Variants in EYA4 observed in about 807,000 individuals in gnomAD.
EYA4 encodes protein phosphatase EYA4.
In EYA4, 31 loss-of-function variants were observed where a neutral mutation model predicts 87.9. The observed-to-expected ratio is 0.35, with a 90% CI of 0.27 to 0.48. EYA4 has a LOEUF of 0.48. Among genes scored for constraint, EYA4 ranks in the 20% least tolerant of loss-of-function variants. EYA4 has a pLI of 0.99. For missense variants in EYA4, 678 were observed against 761.4 expected, an observed-to-expected ratio of 0.89 and a Z score of 1.29; for synonymous variants, 263 against 270.6, an observed-to-expected ratio of 0.97 and a Z score of 0.28.
At position 133,295,364 on chromosome 6, in the gene EYA4, A is replaced by G. The variant is rs186863358; in HGVS notation, c.33+20551A>G. On this transcript the variant is annotated intron_variant, in intron 2 of 19. Coordinates refer to ENST00000355286, the MANE Select transcript of EYA4 (RefSeq NM_004100.5). ...AATTTCATTTAGCCTTACTAGGACA[A>G]CTGTCATTCTTATGTAACATTTTAA... Among the ~76,000 whole-genome samples, 369 of 152,348 alleles carry G rather than the reference A, an allele frequency of 2.4e-3. 4 individuals are homozygous for G. The highest frequency in any genetic ancestry group is 5.7e-3 in the Admixed American group (87 of 15,306).
chr6:133,478,469 G>A (rs1583401151), intron 11 of EYA4, among the ~76,000 whole-genome samples: 1 of 151,966 alleles, frequency 6.6e-6, no homozygotes, highest in South Asian at 2.1e-4. Flanking sequence ...ACATGAAGAA[G>A]TTCTAGCCAC....
rs151090442 is a variant in EYA4, at chr6:133,339,120, A to G, written c.34-43272A>G. On this transcript the variant is annotated intron_variant, in intron 2 of 19. Transcript: ENST00000355286. ...CTTGTCATATGTCTCTACATAAGTT[A>G]TTATTGATGAAATCATTGTTTGGTG... is the stretch of plus-strand genomic sequence containing the variant. Among the ~76,000 whole-genome samples, 732 of 152,218 alleles carry G rather than the reference A, an allele frequency of 4.8e-3. 6 individuals carry two copies. Among genetic ancestry groups the G allele is most frequent in the African/African-American group, 0.017 (711 of 41,564 alleles).
At position 133,274,857 on chromosome 6, in the gene EYA4, A is replaced by G. The variant is rs370459996; in HGVS notation, c.33+44A>G. On this transcript the variant is annotated intron_variant, in intron 2 of 19. Transcript: ENST00000355286. ...TTTTGCTGAAAAAAGTTGCGATAAC[A>G]CTACTGAAAATCATACGTAAAAGAG... 2.1e-6 allele frequency: 3 copies of G among 1,432,328 alleles called. No individual in the cohort carries two copies. The African/African-American group carries it at 4.2e-5, about 20-fold the overall frequency. 88.7% of individuals were successfully genotyped at this position (1,432,328 alleles called of 1,614,324 possible). A position where few individuals can be genotyped will look rare whatever the true frequency, so the allele number is the denominator to read the frequency against.
At chr6:133,357,270 CAA>C (rs754202361) in intron 2 of EYA4, among the ~76,000 whole-genome samples, 3,023 of 65,074 alleles carry the variant, frequency 0.046, 25 homozygotes, top group East Asian at 0.19. Context: ...GACTCCGTCT[CAA>C]AAAAAAAAAA....
intron 2 of EYA4, among the ~76,000 whole-genome samples, chr6:133,378,335 A>G (rs571878962): frequency 2.6e-5 from 4 of 152,232 alleles, no homozygotes; most frequent in African/African-American, 9.6e-5. Flanking sequence ...GGATTTTATT[A>G]ATCATACCTG....
intron 3 of EYA4, among the ~76,000 whole-genome samples, chr6:133,416,690 T>A (rs974493182): frequency 3.3e-5 from 5 of 152,220 alleles, no homozygotes; most frequent in African/African-American, 1.2e-4. Context: ...CACCTATATT[T>A]TCGCATTGAG....
At position 133,357,736 on chromosome 6, in the gene EYA4, G is replaced by A. The variant is rs116204675; in HGVS notation, c.34-24656G>A. On this transcript the variant is annotated intron_variant, in intron 2 of 19. Coordinates refer to ENST00000355286, the MANE Select transcript of EYA4 (RefSeq NM_004100.5). ...AGGCACTCCACACAAGCAGGGACTC[G>A]CTGGTGTTGTGTTTGTTCTGTATTA... Among the ~76,000 whole-genome samples the A allele has an allele frequency of 1.1e-4, 17 of 152,206 alleles. 1 individual carries two copies. In the South Asian group the frequency reaches 1.2e-3, roughly 11 times the overall value.
chr6:133,386,697 T>C (rs1348105822), intron 3 of EYA4, among the ~76,000 whole-genome samples: 1 of 152,214 alleles, frequency 6.6e-6, no homozygotes, highest in African/African-American at 2.4e-5. Flanking sequence ...AATTGGGCTG[T>C]GAAGTGACTT....
rs1554275988 is a variant in EYA4 at position 133,525,174 on chromosome 6, C to T, written c.1759C>T (p.Arg587Ter). ...TCCAGGAAAAGAAAGTTGCTTTGAA[C>T]GAATAATGCAAAGGTTTGGCAGAAA... Reference protein sequence around the residue: ...TKIGKESCFERIMQRFGRKVV... With the variant: ...TKIGKESCFE Residue 587 changes from arginine to a stop codon, truncating the protein, a stop_gained, in exon 19 of 20, where the codon CGA (arginine) becomes TGA (stop). Transcript: ENST00000355286. LOFTEE classifies it high-confidence loss of function. 4 of 1,613,640 alleles carry T rather than the reference C, an allele frequency of 2.5e-6. No individual in the cohort carries two copies. Among genetic ancestry groups the T allele is most frequent in the Non-Finnish European group, 3.4e-6 (4 of 1,179,752 alleles).
chr6:133,404,716 G>T (rs1222775745), intron 3 of EYA4, among the ~76,000 whole-genome samples: 1 of 152,188 alleles, frequency 6.6e-6, no homozygotes, highest in African/African-American at 2.4e-5. Context: ...TTAGTTATCA[G>T]TTAATGTAAG....
At chr6:133,347,875 T>G (rs1391467794) in intron 2 of EYA4, among the ~76,000 whole-genome samples, 1 of 152,196 alleles carries the variant, frequency 6.6e-6, no homozygotes, top group Non-Finnish European at 1.5e-5. Context: ...ATCTGTAATT[T>G]ATGAACCGGT....
intron 3 of EYA4, among the ~76,000 whole-genome samples, chr6:133,399,147 T>A (rs959072052): frequency 6.6e-6 from 1 of 152,172 alleles, no homozygotes. Context: ...CCTGCTTAGC[T>A]AGTGGATTTT....
At chr6:133,245,934 C>T (rs902795504) in intron 1 of EYA4, among the ~76,000 whole-genome samples, 1 of 152,122 alleles carries the variant, frequency 6.6e-6, no homozygotes, top group African/African-American at 2.4e-5. Flanking sequence ...ATTTGTCATT[C>T]TTAGTGTTTC....
intron 11 of EYA4, among the ~76,000 whole-genome samples, chr6:133,479,608 T>C (rs1291935088): frequency 6.6e-6 from 1 of 152,204 alleles, no homozygotes; most frequent in Non-Finnish European, 1.5e-5. Flanking sequence ...TAAAAAATAA[T>C]AGCCATAATA....
chr6:133,516,438 C>T (rs1367522395), intron 17 of EYA4, among the ~76,000 whole-genome samples: 10 of 152,006 alleles, frequency 6.6e-5, no homozygotes, highest in African/African-American at 2.2e-4. Context: ...ATGGGTCAGG[C>T]GCAGTGGCTC....
intron 3 of EYA4, among the ~76,000 whole-genome samples, chr6:133,438,956 G>A (rs946019398): frequency 1.4e-5 from 2 of 146,124 alleles, no homozygotes; most frequent in African/African-American, 5.0e-5. Flanking sequence ...GCAGGAGAAT[G>A]GTGTGAACCC....
chr6:133,459,252 T>G (rs1210774342), intron 6 of EYA4, among the ~76,000 whole-genome samples: 1 of 152,108 alleles, frequency 6.6e-6, no homozygotes, highest in African/African-American at 2.4e-5. Context: ...TAATAGAAAT[T>G]TGTAAAGGTT....
intron 11 of EYA4, among the ~76,000 whole-genome samples, chr6:133,473,707 C>T (rs923578949): frequency 2.0e-5 from 3 of 151,904 alleles, no homozygotes; most frequent in Admixed American, 2.0e-4. Context: ...AATTTCTGGT[C>T]CTTGTCCCTT....
intron 1 of EYA4, among the ~76,000 whole-genome samples, chr6:133,251,893 T>C (rs1392653919): frequency 5.3e-5 from 8 of 152,220 alleles, no homozygotes; most frequent in Admixed American, 5.2e-4. Context: ...AGAATCCTAA[T>C]ACCTTCCTCC....
Sources: allele counts gnomAD v4.1 joint callset (sites outside exome capture counted in the v4.1 genomes callset), GRCh38; gene constraint gnomAD v4.1.1; transcripts MANE v1.5; gene names NCBI Gene and HGNC (gene_info 2026-07-23, HGNC 2026-07-21).